The following ZNF544 variants were observed in gnomAD, a reference collection of about 807,000 sequenced individuals.
ZNF544 encodes the protein zinc finger protein AF020591.
In ZNF544, 10 loss-of-function variants were observed where a neutral mutation model predicts 13.5. The observed-to-expected ratio is 0.74, with a 90% confidence interval of 0.46 to 1.25. The LOEUF is 1.25. ZNF544 is among the 50% of genes most tolerant of loss of function. The pLI, the probability that ZNF544 is intolerant of heterozygous loss-of-function variation, is 0.00. For synonymous variants in ZNF544, 323 were observed against 300.5 expected, an observed-to-expected ratio of 1.07 and a Z score of -0.77; for missense variants, 896 against 845.6, an observed-to-expected ratio of 1.06 and a Z score of -0.74.
chr19:58,249,426 C>T (rs1472546857), intron 6 of ZNF544, among the ~76,000 whole-genome samples: 1 of 152,140 alleles, frequency 6.6e-6, no homozygotes, highest in East Asian at 1.9e-4. Flanking sequence ...GAAACATTGT[C>T]ACATGATCAT....
At chr19:58,242,692 CTTTGT>C (rs556635917) in intron 3 of ZNF544, among the ~76,000 whole-genome samples, 17 of 151,594 alleles carry the variant, frequency 1.1e-4, no homozygotes, top group African/African-American at 1.5e-4. Flanking sequence ...TTTGTGTTTT[CTTTGT>C]TTTGTTTTGT....
At chr19:58,230,786 G>A (rs1383422347) in intron 3 of ZNF544, among the ~76,000 whole-genome samples, 1 of 152,124 alleles carries the variant, frequency 6.6e-6, no homozygotes, top group Non-Finnish European at 1.5e-5. Context: ...AGAGGCAGGG[G>A]GTGGGGCACT....
At chr19:58,251,744 A>G (rs1301321055) in intron 6 of ZNF544, among the ~76,000 whole-genome samples, 1 of 152,224 alleles carries the variant, frequency 6.6e-6, no homozygotes, top group East Asian at 1.9e-4. Context: ...CTCTAGGGGA[A>G]TTATGGATTC....
rs1568508194 is a variant in ZNF544, at chr19:58,263,590, CTG to C, written c.*840_*841del. 5 of 983,974 alleles carry C rather than the reference CTG, an allele frequency of 5.1e-6. No individual in the cohort carries two copies. The highest frequency in any genetic ancestry group is 4.7e-5 in the South Asian group (1 of 21,282). The allele number at this position is 983,974 out of a possible 1,614,324, so 61.0% of individuals were successfully genotyped here. On this transcript the variant is annotated 3_prime_UTR_variant, in exon 7 of 7. Coordinates refer to ENST00000687789, the MANE Select transcript of ZNF544 (RefSeq NM_014480.4). The stretch of plus-strand genomic sequence containing the variant: ...GAATTGCCTGGAGTGTGCACTGAAA[CTG>C]TGTATTACCAAGCTCACTCTAGCCA...
intron 6 of ZNF544, 31 bp downstream of exon 6, chr19:58,246,825 A>C (rs770825941): frequency 3.1e-6 from 5 of 1,604,498 alleles, no homozygotes; most frequent in South Asian, 2.2e-5. Flanking sequence ...GAGCAGCTCA[A>C]CGTTTAACAA....
At chr19:58,260,107 T>C (rs1157008199) in intron 6 of ZNF544, among the ~76,000 whole-genome samples, 2 of 152,092 alleles carry the variant, frequency 1.3e-5, no homozygotes, top group Non-Finnish European at 2.9e-5. Context: ...GAAAACTAAG[T>C]AAATAATAAT....
At chr19:58,236,600 C>T (rs1374867261) in intron 3 of ZNF544, among the ~76,000 whole-genome samples, 2 of 151,962 alleles carry the variant, frequency 1.3e-5, no homozygotes, top group African/African-American at 2.4e-5. Context: ...TACAGAGTAT[C>T]TTGTGTGCCC....
chr19:58,276,790 C>G (rs984495280), intron 6 of ZNF544, among the ~76,000 whole-genome samples: 7 of 152,292 alleles, frequency 4.6e-5, no homozygotes, highest in Admixed American at 3.9e-4. Flanking sequence ...AGAATTTTAA[C>G]AAATTTGGTT....
Position 58,269,994 on chromosome 19 carries a change from A to G in ZNF544, c.245-6329A>G, listed in dbSNP as rs139787375. ...TGAATCTAAGAAAGGAATAGCTTTAATCTAGAAAAGGAATAGGGCAAGAAA... is the reference window on the plus strand; with the variant it reads ...TGAATCTAAGAAAGGAATAGCTTTAGTCTAGAAAAGGAATAGGGCAAGAAA... On this transcript the variant is annotated intron_variant, in intron 5 of 6. Transcript: ENST00000595981. 6.8e-4 allele frequency among the ~76,000 whole-genome samples: 103 copies of G among 152,352 alleles called. No individual in the cohort carries two copies. In the East Asian group the frequency reaches 0.011, roughly 16 times the overall value.
At chr19:58,256,672 TG>T (rs1485580001) in intron 6 of ZNF544, among the ~76,000 whole-genome samples, 1 of 152,188 alleles carries the variant, frequency 6.6e-6, no homozygotes, top group African/African-American at 2.4e-5. Context: ...AGAAAAATCC[TG>T]GGAACTTCAT....
At chr19:58,244,740 T>A (rs1429979935) in intron 4 of ZNF544, among the ~76,000 whole-genome samples, 1 of 152,058 alleles carries the variant, frequency 6.6e-6, no homozygotes, top group African/African-American at 2.4e-5. Flanking sequence ...CATGCTTGAC[T>A]AATTTATTAT....
At chr19:58,265,281 C>CTT (rs1242973062), downstream of ZNF544, among the ~76,000 whole-genome samples, 16 of 97,628 alleles carry the variant, frequency 1.6e-4, no homozygotes, top group Admixed American at 3.4e-4. Flanking sequence ...GCCATGTCTG[C>CTT]ATATTTATTT....
At chr19:58,245,230 G>A (rs887123491) in intron 4 of ZNF544, among the ~76,000 whole-genome samples, 9 of 148,596 alleles carry the variant, frequency 6.1e-5, no homozygotes, top group South Asian at 2.1e-4. Context: ...ATGAACCACC[G>A]CGCCCGACCC....
In ZNF544 at chr19:58,263,364, G is replaced by C. The variant is rs2147748470; in HGVS notation, c.*610G>C. 1 of 929,860 alleles carries C rather than the reference G, an allele frequency of 1.1e-6. No homozygotes were observed. The highest frequency in any genetic ancestry group is 1.8e-5 in the African/African-American group (1 of 56,134). 57.6% of individuals were successfully genotyped at this position (929,860 alleles called of 1,614,324 possible). ...TAGTCCTAGCTACTCAGGAGGCTGA[G>C]GTGGGAGGATCACTTGAGCTTGGGA... On this transcript the variant is annotated 3_prime_UTR_variant, in exon 7 of 7. Transcript: ENST00000687789.
Position 58,260,895 on chromosome 19 carries a change from GA to G in ZNF544, c.290del (p.Asp97ValfsTer26), listed in dbSNP as rs753782799. On this transcript the variant is annotated frameshift_variant, in exon 7 of 7. Transcript: ENST00000687789. LOFTEE classifies it low-confidence loss of function (END_TRUNC). ...LEENRLNSEK[D>X]RAREELSHHV... ...GGAGAATAGGTTGAATTCTGAAAAA[GA>G]TCGAGCTAGGGAAGAACTATCCCAC... The G allele has an allele frequency of 1.2e-6, 2 of 1,610,866 alleles. No homozygotes were observed. The highest frequency in any genetic ancestry group is 2.7e-5 in the African/African-American group (2 of 74,700).
At chr19:58,237,918 A>G (rs2042768405) in intron 3 of ZNF544, among the ~76,000 whole-genome samples, 1 of 152,216 alleles carries the variant, frequency 6.6e-6, no homozygotes, top group African/African-American at 2.4e-5. Flanking sequence ...TGAGACTGAC[A>G]GACGTCACAA....
intron 6 of ZNF544, 59 bp downstream of exon 6, chr19:58,246,853 T>G: frequency 3.2e-6 from 5 of 1,545,008 alleles, no homozygotes; most frequent in Non-Finnish European, 4.4e-6. Flanking sequence ...CAGAGAGCTC[T>G]CCGCAGGGCC....
chr19:58,246,355 C>T lies in ZNF544; in HGVS notation c.88C>T (p.Gln30Ter), dbSNP rs748684000. Residue 30 changes from glutamine to a stop codon, truncating the protein, a stop_gained, in exon 5 of 7, where the codon CAG becomes TAG. Transcript: ENST00000687789. LOFTEE classifies it high-confidence loss of function. ...GGCATTCACACAGGAGGAGTGGGAA[C>T]AGCTGGACCTGGCCCAGAGGACACT... ...AMAFTQEEWE[Q>*]LDLAQRTLYR... 1 of 1,613,986 alleles carries T rather than the reference C, an allele frequency of 6.2e-7. No individual in the cohort carries two copies. Among genetic ancestry groups the T allele is most frequent in the Non-Finnish European group, 8.5e-7 (1 of 1,180,034 alleles).
At chr19:58,265,416 C>T (rs1409270818), downstream of ZNF544, among the ~76,000 whole-genome samples, 2 of 151,514 alleles carry the variant, frequency 1.3e-5, no homozygotes, top group African/African-American at 4.9e-5. Context: ...CTGCCTCAAC[C>T]TGCTGAGTAG....
Sources: gnomAD v4.1 joint callset for allele counts (sites outside exome capture counted in the v4.1 genomes callset) on GRCh38, gnomAD v4.1.1 for gene constraint, MANE v1.5 for transcripts, NCBI Gene and HGNC (gene_info 2026-07-23, HGNC 2026-07-21) for gene names.